The following GFOD1 variants were observed in gnomAD, a reference collection of about 807,000 sequenced individuals.
GFOD1 encodes Gfo/Idh/MocA-like oxidoreductase domain containing 1, also known as glucose-fructose oxidoreductase domain-containing protein 1.
A neutral mutation model predicts 25.4 loss-of-function variants in GFOD1; 9 were observed. The observed-to-expected ratio is 0.35, with a 90% CI of 0.21 to 0.62. The LOEUF is 0.62. Ranked by LOEUF, GFOD1 falls within the 20% of genes least tolerant of loss-of-function variation. GFOD1 has a pLI of 0.72. For synonymous variants in GFOD1, 253 were observed against 245.6 expected (o/e 1.03, Z -0.28); for missense variants, 403 against 556.9 (o/e 0.72, Z 2.78).
At chr6:13,393,976 A>G (rs1785675271) in intron 1 of GFOD1, among the ~76,000 whole-genome samples, 1 of 151,630 alleles carries the variant, frequency 6.6e-6, no homozygotes, top group Admixed American at 6.6e-5. Context: ...GACGGGTTTC[A>G]CCATGTTAGT....
chr6:13,437,295 T>C (rs1449897155), intron 1 of GFOD1, among the ~76,000 whole-genome samples: 2 of 152,216 alleles, frequency 1.3e-5, no homozygotes, highest in East Asian at 3.8e-4. Flanking sequence ...GAAATCATCC[T>C]TTCTCTAACC....
chr6:13,377,722 A>T (rs1203988875), intron 1 of GFOD1, among the ~76,000 whole-genome samples: 1 of 152,088 alleles, frequency 6.6e-6, no homozygotes, highest in East Asian at 1.9e-4. Context: ...TCTACCTCCC[A>T]CAGTTTCTCC....
At chr6:13,475,181 C>T (rs1254445804) in intron 1 of GFOD1, among the ~76,000 whole-genome samples, 8 of 152,158 alleles carry the variant, frequency 5.3e-5, no homozygotes, top group Admixed American at 5.2e-4. Context: ...CTAATAAACA[C>T]ATGAAAAGCT....
intron 1 of GFOD1, among the ~76,000 whole-genome samples, chr6:13,470,971 C>T (rs1295606334): frequency 6.6e-6 from 1 of 151,910 alleles, no homozygotes; most frequent in South Asian, 2.1e-4. Flanking sequence ...AAAAAAAAAG[C>T]AATAATAATT....
chr6:13,463,663 G>T (rs573567238), intron 1 of GFOD1, among the ~76,000 whole-genome samples: 5 of 152,230 alleles, frequency 3.3e-5, no homozygotes, highest in Non-Finnish European at 5.9e-5. Context: ...AAGAAAATAC[G>T]ATAGCATTTC....
At chr6:13,431,973 T>C (rs989567197) in intron 1 of GFOD1, among the ~76,000 whole-genome samples, 1 of 152,170 alleles carries the variant, frequency 6.6e-6, no homozygotes, top group Non-Finnish European at 1.5e-5. Flanking sequence ...TAAGAGACCA[T>C]TTCCTCAGCA....
chr6:13,423,779 T>C (rs1201768315), intron 1 of GFOD1, among the ~76,000 whole-genome samples: 1 of 152,250 alleles, frequency 6.6e-6, no homozygotes, highest in Non-Finnish European at 1.5e-5. Flanking sequence ...AAGTCCTTCC[T>C]TAGACATCCT....
rs113077397 is a variant in GFOD1 at position 13,374,264 on chromosome 6, GTTTT to G, written c.254-8606_254-8603del. 3.6e-3 allele frequency among the ~76,000 whole-genome samples: 459 copies of G among 126,122 alleles called. 1 individual carries two copies. Among genetic ancestry groups the G allele is most frequent in the African/African-American group, 7.8e-3 (281 of 36,148 alleles). 82.7% of individuals were successfully genotyped at this position (126,122 alleles called of 152,430 possible). A position where few individuals can be genotyped will look rare whatever the true frequency, so the allele number is the denominator to read the frequency against. ...GCCAGCCTAGTCTTTTTAAAAATAT[GTTTT>G]TTTTTTGTGTGTGTGTGTGTGTGTG... On this transcript the variant is annotated intron_variant, in intron 1 of 1. Transcript: ENST00000379287.
At chr6:13,412,183 C>A (rs573454503) in intron 1 of GFOD1, among the ~76,000 whole-genome samples, 12 of 152,222 alleles carry the variant, frequency 7.9e-5, no homozygotes, top group African/African-American at 2.9e-4. Context: ...AGCTCAAACC[C>A]CCAGTACCTC....
rs1562209339 is a variant in GFOD1, at chr6:13,409,132, A to AGAG, written c.254-43471_254-43470insCTC. Among the ~76,000 whole-genome samples, 110 of 44,180 alleles carry AGAG rather than the reference A, an allele frequency of 2.5e-3. 4 individuals are homozygous for AGAG. The highest frequency in any genetic ancestry group is 0.011 in the Middle Eastern group (1 of 94). 29.0% of individuals were successfully genotyped at this position (44,180 alleles called of 152,430 possible). A position where few individuals can be genotyped will look rare whatever the true frequency, so the allele number is the denominator to read the frequency against. On this transcript the variant is annotated intron_variant, in intron 1 of 1. Coordinates refer to ENST00000379287, the MANE Select transcript of GFOD1 (RefSeq NM_018988.4). The stretch of plus-strand genomic sequence containing the variant: ...AAGAAAGAAAGAAAGAAAGAAAGAA[A>AGAG]GAAAGAAAGAAAGAAAGAGAGGAAA...
At position 13,460,088 on chromosome 6, in the gene GFOD1, C is replaced by T. The variant is rs190416745; in HGVS notation, c.253+26550G>A. Among the ~76,000 whole-genome samples, 9 of 152,288 alleles carry T rather than the reference C, an allele frequency of 5.9e-5. No individual in the cohort carries two copies. The East Asian group carries it at 7.7e-4, about 13-fold the overall frequency. ...GGCGGAGGTTACAGTGAGCCGAGATCGCGCCACTGCACTCCAGCTTGGGAG... is the reference window on the plus strand; with the variant it reads ...GGCGGAGGTTACAGTGAGCCGAGATTGCGCCACTGCACTCCAGCTTGGGAG... On this transcript the variant is annotated intron_variant, in intron 1 of 1. Transcript: ENST00000379287.
At chr6:13,452,503 G>A (rs1463068381) in intron 1 of GFOD1, among the ~76,000 whole-genome samples, 3 of 152,144 alleles carry the variant, frequency 2.0e-5, no homozygotes, top group Non-Finnish European at 2.9e-5. Flanking sequence ...CAAGGTGCCC[G>A]CAGATTCGGC....
chr6:13,368,765 A>G (rs1785094690), intron 1 of GFOD1, among the ~76,000 whole-genome samples: 1 of 152,194 alleles, frequency 6.6e-6, no homozygotes, highest in South Asian at 2.1e-4. Flanking sequence ...AAAATGATCC[A>G]CACCCCTTCC....
chr6:13,418,758 C>A (rs1786202887), intron 1 of GFOD1, among the ~76,000 whole-genome samples: 1 of 152,078 alleles, frequency 6.6e-6, no homozygotes, highest in African/African-American at 2.4e-5. Flanking sequence ...AGAAGCAGTC[C>A]CAGCAAGGAT....
intron 1 of GFOD1, among the ~76,000 whole-genome samples, chr6:13,409,295 AG>A (rs1342997971): frequency 8.5e-5 from 3 of 35,100 alleles, no homozygotes; most frequent in African/African-American, 1.2e-4. Flanking sequence ...AGAGGAAGGA[AG>A]GAAGAAAGGA....
intron 1 of GFOD1, among the ~76,000 whole-genome samples, chr6:13,484,335 C>T (rs1758818447): frequency 6.6e-6 from 1 of 152,140 alleles, no homozygotes. Context: ...GGCAAACACT[C>T]GTATCTATAC....
chr6:13,382,150 G>T (rs1330584547), intron 1 of GFOD1, among the ~76,000 whole-genome samples: 3 of 151,942 alleles, frequency 2.0e-5, no homozygotes, highest in African/African-American at 7.3e-5. Context: ...CCATAATCTG[G>T]CTCTGTGTAT....
chr6:13,374,793 A>G (rs1056067871), intron 1 of GFOD1, among the ~76,000 whole-genome samples: 1 of 120,978 alleles, frequency 8.3e-6, no homozygotes, highest in Admixed American at 1.2e-4. Flanking sequence ...CCCAGGCTGG[A>G]GTGCAACAGT....
At chr6:13,381,522 G>A (rs1785361746) in intron 1 of GFOD1, among the ~76,000 whole-genome samples, 2 of 152,218 alleles carry the variant, frequency 1.3e-5, no homozygotes, top group African/African-American at 4.8e-5. Context: ...GCTTCCATAT[G>A]GAAAGGACTC....
Sources: allele counts gnomAD v4.1 joint callset (sites outside exome capture counted in the v4.1 genomes callset), GRCh38; gene constraint gnomAD v4.1.1; transcripts MANE v1.5; gene names NCBI Gene and HGNC (gene_info 2026-07-23, HGNC 2026-07-21).